The following MAPK10 variants were observed in gnomAD, a reference collection of about 807,000 sequenced individuals.
The protein encoded by MAPK10 is JNK3 alpha protein kinase.
Under a neutral mutation model 59.3 loss-of-function variants are expected in MAPK10, and 25 were observed. The observed-to-expected ratio is 0.42, with a 90% CI of 0.31 to 0.59. The LOEUF is 0.59. Ranked by LOEUF, MAPK10 falls within the 20% of genes least tolerant of loss-of-function variation. The pLI is 0.15. For missense variants in MAPK10, 351 were observed against 568.9 expected, an observed-to-expected ratio of 0.62 and a Z score of 3.90; for synonymous variants, 190 against 200.5, an observed-to-expected ratio of 0.95 and a Z score of 0.44.
chr4:86,144,594 T>C (rs969372145), intron 4 of MAPK10, among the ~76,000 whole-genome samples: 4 of 152,174 alleles, frequency 2.6e-5, no homozygotes, highest in Non-Finnish European at 4.4e-5. Flanking sequence ...GAAAATTAGA[T>C]CTCTCTCCCT....
At position 86,013,993 on chromosome 4, in the gene MAPK10, A is replaced by C. The variant is rs1439731847; in HGVS notation, c.*3235T>G. ...AAAATAGTAAAGACATATTAATAGT[A>C]AAGTGGTGGCGGTTTTGCCAAACTC... On this transcript the variant is annotated 3_prime_UTR_variant, in exon 14 of 14. Transcript: ENST00000641462. 3 of 152,242 alleles carry C rather than the reference A, an allele frequency of 2.0e-5. No individual in the cohort carries two copies. The highest frequency in any genetic ancestry group is 7.2e-5 in the African/African-American group (3 of 41,468). 9.4% of individuals were successfully genotyped at this position (152,242 alleles called of 1,614,324 possible).
intron 11 of MAPK10, among the ~76,000 whole-genome samples, chr4:86,059,241 C>G (rs1275771652): frequency 1.3e-5 from 2 of 152,152 alleles, no homozygotes; most frequent in Admixed American, 1.3e-4. Flanking sequence ...GATAGTAACT[C>G]TGCTCACAGG....
At chr4:86,137,309 AAGAAC>A (rs1562191373) in intron 4 of MAPK10, among the ~76,000 whole-genome samples, 4 of 151,176 alleles carry the variant, frequency 2.6e-5, no homozygotes, top group African/African-American at 9.9e-5. Context: ...GCAAATGTAA[AAGAAC>A]AGAAATTATA....
chr4:86,298,462 T>C (rs1204589665), intron 2 of MAPK10, among the ~76,000 whole-genome samples: 1 of 152,210 alleles, frequency 6.6e-6, no homozygotes, highest in Non-Finnish European at 1.5e-5. Flanking sequence ...TCAGGAAGGC[T>C]AGAGTGCTGA....
chr4:86,209,342 G>C (rs2085127818), intron 2 of MAPK10, among the ~76,000 whole-genome samples: 2 of 151,984 alleles, frequency 1.3e-5, no homozygotes, highest in Non-Finnish European at 1.5e-5. Context: ...ATGAATAAAA[G>C]GTGAAGTAGG....
chr4:86,170,301 G>A (rs900370194), intron 3 of MAPK10, among the ~76,000 whole-genome samples: 15 of 152,234 alleles, frequency 9.9e-5, no homozygotes, highest in African/African-American at 3.4e-4. Flanking sequence ...TCAGTGTGCT[G>A]TATTCAGGAA....
intron 2 of MAPK10, among the ~76,000 whole-genome samples, chr4:86,347,884 A>G (rs1197780242): frequency 6.6e-6 from 1 of 152,192 alleles, no homozygotes; most frequent in African/African-American, 2.4e-5. Flanking sequence ...TGGAGGGAAC[A>G]CAAAATTCAG....
chr4:86,541,652 T>C (rs570992577), intron 1 of MAPK10, among the ~76,000 whole-genome samples: 16 of 152,300 alleles, frequency 1.1e-4, no homozygotes, highest in African/African-American at 3.6e-4. Context: ...ATCCAAGATA[T>C]GATTGTGAAT....
intron 1 of MAPK10, among the ~76,000 whole-genome samples, chr4:86,592,138 A>G (rs369240796): frequency 6.6e-6 from 1 of 152,104 alleles, no homozygotes; most frequent in African/African-American, 2.4e-5. Flanking sequence ...CACATGAAAT[A>G]ATTTCTCTTA....
Position 86,513,672 on chromosome 4 carries a change from G to C in MAPK10, c.-263+80238C>G, listed in dbSNP as rs573171492. ...ATTCAAGTAGTAGCCTTTAAGCCTA[G>C]TCCATGACTCAAAACTTTTATACAA... On this transcript the variant is annotated intron_variant, in intron 1 of 4. Coordinates refer to the MAPK10 transcript ENST00000502302. Among the ~76,000 whole-genome samples, 12 of 152,194 alleles carry C rather than the reference G, an allele frequency of 7.9e-5. No individual in the cohort carries two copies. The East Asian group carries it at 2.3e-3, about 29-fold the overall frequency.
At chr4:86,552,033 C>G (rs1005760077) in intron 1 of MAPK10, among the ~76,000 whole-genome samples, 8 of 151,540 alleles carry the variant, frequency 5.3e-5, no homozygotes, top group African/African-American at 1.7e-4. Flanking sequence ...TAGAGAATGC[C>G]TATTATTAAA....
At chr4:86,222,000 G>GT (rs1231224770) in intron 2 of MAPK10, among the ~76,000 whole-genome samples, 4 of 152,116 alleles carry the variant, frequency 2.6e-5, no homozygotes, top group Non-Finnish European at 4.4e-5. Flanking sequence ...TTGAGATCTG[G>GT]TTCTTTCAAA....
chr4:86,017,142 T>G lies in MAPK10; in HGVS notation c.*86A>C. The G allele has an allele frequency of 1.5e-6, 2 of 1,373,290 alleles. No individual in the cohort carries two copies. The highest frequency in any genetic ancestry group is 2.0e-6 in the Non-Finnish European group (2 of 996,378). 85.1% of individuals were successfully genotyped at this position (1,373,290 alleles called of 1,614,324 possible). On this transcript the variant is annotated 3_prime_UTR_variant, in exon 14 of 14. Coordinates refer to ENST00000641462, the MANE Select transcript of MAPK10 (RefSeq NM_138982.4). This position sits in a 1 kb window ranked among gnomAD's most constrained non-coding sequence, Gnocchi z 4.4. Reference sequence around the variant, plus strand: ...GTTTTCTTGATGTTGTGTGTCTGCATTTGTGTGTGTGTGTGTGTCTGCGTG... The same window carrying G: ...GTTTTCTTGATGTTGTGTGTCTGCAGTTGTGTGTGTGTGTGTGTCTGCGTG...
chr4:86,256,767 GTCTC>G (rs1405161131), intron 2 of MAPK10, among the ~76,000 whole-genome samples: 2 of 111,884 alleles, frequency 1.8e-5, no homozygotes, highest in Non-Finnish European at 3.3e-5. Context: ...TTGAGACAGA[GTCTC>G]TCTCTGTCGC....
chr4:86,456,281 C>T (rs770691089), upstream of MAPK10, among the ~76,000 whole-genome samples: 10 of 151,822 alleles, frequency 6.6e-5, no homozygotes, highest in Non-Finnish European at 1.2e-4. Context: ...AACTGAAACC[C>T]GGCAGAAGAA....
chr4:86,406,528 G>A (rs1348344892), intron 1 of MAPK10, among the ~76,000 whole-genome samples: 2 of 152,132 alleles, frequency 1.3e-5, no homozygotes, highest in African/African-American at 4.8e-5. Context: ...GGTATTAGTG[G>A]GAATCAGTCA....
At chr4:86,303,276 T>C (rs1178317323) in intron 2 of MAPK10, among the ~76,000 whole-genome samples, 2 of 152,208 alleles carry the variant, frequency 1.3e-5, no homozygotes, top group Non-Finnish European at 2.9e-5. Context: ...ATTTTGTTTT[T>C]TGCTCTAAGT....
At chr4:86,531,916 C>T (rs544863620) in intron 1 of MAPK10, among the ~76,000 whole-genome samples, 7 of 151,918 alleles carry the variant, frequency 4.6e-5, no homozygotes, top group East Asian at 1.9e-4. Context: ...GCACTGGGCA[C>T]GATGGTTTGC....
intron 1 of MAPK10, among the ~76,000 whole-genome samples, chr4:86,463,444 TCA>T (rs1435079193): frequency 2.0e-5 from 3 of 152,224 alleles, no homozygotes; most frequent in Non-Finnish European, 4.4e-5. Flanking sequence ...TAAAAAATTT[TCA>T]CAGTGTTACA....
Sources: allele counts gnomAD v4.1 joint callset (sites outside exome capture counted in the v4.1 genomes callset), GRCh38; gene constraint gnomAD v4.1.1; non-coding constraint Gnocchi (gnomAD v3.1); transcripts MANE v1.5; gene names NCBI Gene and HGNC (gene_info 2026-07-23, HGNC 2026-07-21).